Variants in CORO2B observed in about 807,000 individuals in gnomAD.
CORO2B encodes the protein coronin-2B.
A neutral mutation model predicts 58.8 loss-of-function variants in CORO2B; 26 were observed. The observed-to-expected ratio is 0.44, with a 90% CI of 0.32 to 0.61. CORO2B has a LOEUF of 0.61. Among genes scored for constraint, CORO2B ranks in the 20% least tolerant of loss-of-function variants. The probability of loss-of-function intolerance (pLI) is 0.04; values close to 1 mark genes in which losing one functional copy is unlikely to be tolerated. For missense variants in CORO2B, 460 were observed against 645.1 expected, an observed-to-expected ratio of 0.71 and a Z score of 3.11; for synonymous variants, 242 against 253.8, an observed-to-expected ratio of 0.95 and a Z score of 0.44.
rs142639565 is a variant in CORO2B, at chr15:68,718,000, C to T, written c.968-698C>T. Among the ~76,000 whole-genome samples the T allele has an allele frequency of 5.7e-3, 872 of 152,280 alleles. 8 individuals are homozygous for T. The highest frequency in any genetic ancestry group is 0.019 in the African/African-American group (790 of 41,556). On this transcript the variant is annotated intron_variant, in intron 8 of 11. Coordinates refer to ENST00000261861, the MANE Select transcript of CORO2B (RefSeq NM_006091.5). ...CAGAGAGTTGTAACTTGCCAAAGGACTCCTAGATGGAAAGGGGGCAGAGTG... is the reference window on the plus strand; with the variant it reads ...CAGAGAGTTGTAACTTGCCAAAGGATTCCTAGATGGAAAGGGGGCAGAGTG...
At chr15:68,712,123 C>G (rs1596033589) in intron 5 of CORO2B, among the ~76,000 whole-genome samples, 1 of 152,298 alleles carries the variant, frequency 6.6e-6, no homozygotes, top group Non-Finnish European at 1.5e-5. Flanking sequence ...TGATGGTGAA[C>G]TTAGCTCCAC....
intron 1 of CORO2B, among the ~76,000 whole-genome samples, chr15:68,597,720 T>G (rs993507796): frequency 6.6e-6 from 1 of 152,116 alleles, no homozygotes; most frequent in Non-Finnish European, 1.5e-5. Flanking sequence ...CCAGGGTTAC[T>G]GTGGTGAACA....
intron 1 of CORO2B, among the ~76,000 whole-genome samples, chr15:68,587,513 A>G (rs1039796996): frequency 6.6e-6 from 1 of 152,178 alleles, no homozygotes. Flanking sequence ...GAATATCACA[A>G]TGATTCCTAA....
At position 68,676,750 on chromosome 15, in the gene CORO2B, GATCT is replaced by G. The variant is rs570943386; in HGVS notation, c.217-18389_217-18386del. Among the ~76,000 whole-genome samples the G allele has an allele frequency of 2.2e-3, 330 of 152,166 alleles. 3 individuals are homozygous for G. The highest frequency in any genetic ancestry group is 7.4e-3 in the African/African-American group (309 of 41,526). ...CTCAGGAGGTCTAGAGGTGGCCCAA[GATCT>G]GTGTTTTTTGTTTCTTCTGGATTAT... On this transcript the variant is annotated intron_variant, in intron 2 of 11. Coordinates refer to ENST00000261861, the MANE Select transcript of CORO2B (RefSeq NM_006091.5).
At chr15:68,536,915 G>T in the CORO2B span, among the ~76,000 whole-genome samples, 1 of 152,154 alleles carries the variant, frequency 6.6e-6, no homozygotes, top group Admixed American at 6.6e-5. Flanking sequence ...CAGCCACCTG[G>T]AGCCAGGAAG....
At chr15:68,691,082 C>G (rs1892350944) in intron 2 of CORO2B, among the ~76,000 whole-genome samples, 1 of 151,578 alleles carries the variant, frequency 6.6e-6, no homozygotes, top group South Asian at 2.1e-4. Flanking sequence ...GTAATCCCAG[C>G]ACTTTGGGAG....
chr15:68,587,952 T>A (rs1340500451), intron 1 of CORO2B, among the ~76,000 whole-genome samples: 1 of 152,346 alleles, frequency 6.6e-6, no homozygotes, highest in African/African-American at 2.4e-5. Flanking sequence ...CAGGCCTCGC[T>A]CTTGCCTCTG....
intron 1 of CORO2B, among the ~76,000 whole-genome samples, chr15:68,614,627 C>T (rs149952590): frequency 7.4e-4 from 112 of 152,256 alleles, no homozygotes; most frequent in African/African-American, 2.6e-3. Flanking sequence ...GGAGCCCTCA[C>T]GGTCAAGGAT....
At position 68,713,865 on chromosome 15, in the gene CORO2B, G is replaced by A. The variant is rs1217790096; in HGVS notation, c.649-60G>A. The A allele has an allele frequency of 3.5e-6, 4 of 1,135,810 alleles. No homozygotes were observed. In the Admixed American group the frequency reaches 7.1e-5, roughly 20 times the overall value. The allele number at this position is 1,135,810 out of a possible 1,614,324, so 70.4% of individuals were successfully genotyped here. On this transcript the variant is annotated intron_variant, in intron 5 of 11. Transcript: ENST00000261861. ...GTATCTTTTCGGGACCACCATTCATGCCACTGCAGAACCCACATGTTGGGG... is the reference window on the plus strand; with the variant it reads ...GTATCTTTTCGGGACCACCATTCATACCACTGCAGAACCCACATGTTGGGG...
intron 1 of CORO2B, among the ~76,000 whole-genome samples, chr15:68,600,309 T>C (rs1289408593): frequency 1.3e-5 from 2 of 152,158 alleles, no homozygotes; most frequent in Non-Finnish European, 2.9e-5. Flanking sequence ...CCTTCCTCAA[T>C]GTTTGCATCT....
intron 1 of CORO2B, among the ~76,000 whole-genome samples, chr15:68,580,243 C>T (rs1899393351): frequency 6.6e-6 from 1 of 152,234 alleles, no homozygotes; most frequent in South Asian, 2.1e-4. Flanking sequence ...GTACTGAGCT[C>T]ACAGTCTGGC....
At chr15:68,601,295 G>A (rs914549414) in intron 1 of CORO2B, among the ~76,000 whole-genome samples, 8 of 152,220 alleles carry the variant, frequency 5.3e-5, no homozygotes, top group East Asian at 3.8e-4. Flanking sequence ...GCTCCAGGGC[G>A]GCAGGCGGGG....
intron 1 of CORO2B, among the ~76,000 whole-genome samples, chr15:68,625,754 A>G (rs1900660260): frequency 1.3e-5 from 2 of 151,806 alleles, no homozygotes; most frequent in Admixed American, 6.6e-5. Flanking sequence ...ACAGGTGCAC[A>G]CCACCACACC....
intron 1 of CORO2B, among the ~76,000 whole-genome samples, chr15:68,635,112 A>G (rs1419501440): frequency 6.6e-6 from 1 of 152,184 alleles, no homozygotes; most frequent in Middle Eastern, 3.2e-3. Flanking sequence ...TCTGTTCCCC[A>G]GAGCTCGAGC....
upstream of CORO2B, among the ~76,000 whole-genome samples, chr15:68,574,888 C>G (rs182211356): frequency 6.6e-6 from 1 of 152,284 alleles, no homozygotes; most frequent in Non-Finnish European, 1.5e-5. Flanking sequence ...GGCTAGGGCC[C>G]CAGAGGCCCA....
Position 68,626,514 on chromosome 15 carries a change from T to A in CORO2B, c.16-18646T>A, listed in dbSNP as rs191219987. Among the ~76,000 whole-genome samples, 781 of 152,222 alleles carry A rather than the reference T, an allele frequency of 5.1e-3. 10 individuals carry two copies. Among genetic ancestry groups the A allele is most frequent in the Middle Eastern group, 0.024 (7 of 294 alleles). On this transcript the variant is annotated intron_variant, in intron 1 of 11. Transcript: ENST00000261861. ...AGACAGGTGTTCTCCCCTGGGCCCT[T>A]TGAGGACAAGTGATGTGGACAGAAG...
intron 11 of CORO2B, among the ~76,000 whole-genome samples, chr15:68,721,761 T>TATTTATTTATG (rs71282000): frequency 9.9e-5 from 15 of 152,062 alleles, no homozygotes; most frequent in Middle Eastern, 6.8e-3. Context: ...TTTATTTATG[T>TATTTATTTATG]TTTAGAGACA....
At chr15:68,725,126 T>C (rs1027702674) in intron 11 of CORO2B, among the ~76,000 whole-genome samples, 1 of 152,146 alleles carries the variant, frequency 6.6e-6, no homozygotes, top group Non-Finnish European at 1.5e-5. Flanking sequence ...CCCAGCACTT[T>C]GGGAGGCTGA....
At chr15:68,689,071 G>A (rs899986252) in intron 2 of CORO2B, among the ~76,000 whole-genome samples, 2 of 151,950 alleles carry the variant, frequency 1.3e-5, no homozygotes, top group African/African-American at 4.8e-5. Flanking sequence ...AAGACTCAGG[G>A]TACACAACAG....
Sources: allele counts gnomAD v4.1 joint callset (sites outside exome capture counted in the v4.1 genomes callset), GRCh38; gene constraint gnomAD v4.1.1; transcripts MANE v1.5; gene names NCBI Gene and HGNC (gene_info 2026-07-23, HGNC 2026-07-21).